The following KCNV1 variants were observed in gnomAD, a reference collection of about 807,000 sequenced individuals.
The protein encoded by KCNV1 is potassium voltage-gated channel modifier subfamily V member 1.
Under a neutral mutation model 36.4 loss-of-function variants are expected in KCNV1, and 2 were observed. The ratio of observed to expected loss-of-function variants is 0.05; its 90% CI spans 0.02 to 0.17. The LOEUF (loss-of-function observed/expected upper bound fraction) is 0.17. Among genes scored for constraint, KCNV1 ranks in the 10% least tolerant of loss-of-function variants. KCNV1 has a pLI of 1.00. For synonymous variants in KCNV1, 280 were observed against 261.1 expected (o/e 1.07, Z -0.70); for missense variants, 321 against 643.6 (o/e 0.50, Z 5.42).
At chr8:109,969,582 C>G (rs1418056164) in intron 3 of KCNV1, among the ~76,000 whole-genome samples, 1 of 152,100 alleles carries the variant, frequency 6.6e-6, no homozygotes, top group African/African-American at 2.4e-5. Context: ...CACGGTGGCT[C>G]ACGCCTATAA....
In KCNV1 at chr8:109,968,881, AG is replaced by A. The variant is rs535764021; in HGVS notation, c.992-283del. 8.9e-4 allele frequency among the ~76,000 whole-genome samples: 135 copies of A among 152,334 alleles called. No homozygotes were observed. Among genetic ancestry groups the A allele is most frequent in the Non-Finnish European group, 1.6e-3 (107 of 68,026 alleles). ...AATTATTGAACTTCTACTATTAAAA[AG>A]AAGGCGAGAGGTAAGACTGAAGGCA... On this transcript the variant is annotated intron_variant, in intron 3 of 3. Coordinates refer to ENST00000524391, the MANE Select transcript of KCNV1 (RefSeq NM_014379.4). This position sits in a 1 kb window ranked among gnomAD's most constrained non-coding sequence, Gnocchi z 5.3.
chr8:109,966,460 C>G lies in KCNV1; in HGVS notation c.*1628G>C, dbSNP rs1449023532. ...AAATGAATTAAAGTACTTTAGCACA[C>G]AATCTAAAACTCATGCCATCAGTGA... is the stretch of plus-strand genomic sequence containing the variant. On this transcript the variant is annotated 3_prime_UTR_variant, in exon 4 of 4. Coordinates refer to ENST00000524391, the MANE Select transcript of KCNV1 (RefSeq NM_014379.4). 1.3e-5 allele frequency: 2 copies of G among 152,136 alleles called. No homozygotes were observed. Among genetic ancestry groups the G allele is most frequent in the East Asian group, 3.8e-4 (2 of 5,202 alleles). The allele number at this position is 152,136 out of a possible 1,614,324, so 9.4% of individuals were successfully genotyped here.
chr8:109,974,244 G>A lies in KCNV1; in HGVS notation c.145C>T (p.Arg49Cys). 1 of 1,562,460 alleles carries A rather than the reference G, an allele frequency of 6.4e-7. No individual in the cohort carries two copies. Among genetic ancestry groups the A allele is most frequent in the East Asian group, 2.4e-5 (1 of 41,900 alleles). Reference protein sequence around the residue: ...DCFTVNVGGSRFVLSQQALSC... With the variant: ...DCFTVNVGGSCFVLSQQALSC... ...AGCGCCTGCTGCGAGAGCACGAAGC[G>A]GCTGCCGCCCACGTTGACCGTGAAG... Residue 49 changes from arginine (R) to cysteine (C), a missense_variant, in exon 2 of 4, where the codon CGC (arginine) becomes TGC (cysteine). Coordinates refer to ENST00000524391, the MANE Select transcript of KCNV1 (RefSeq NM_014379.4). The surrounding 1 kb of genome is among the most constrained non-coding windows in gnomAD (Gnocchi z 6.2).
intron 3 of KCNV1, among the ~76,000 whole-genome samples, chr8:109,970,554 G>A (rs953874190): frequency 3.9e-5 from 6 of 151,976 alleles, no homozygotes; most frequent in Admixed American, 1.3e-4. Context: ...CTAGTTTCTG[G>A]CCAAAAACCC....
chr8:109,965,023 A>G lies in KCNV1; in HGVS notation c.*3065T>C, dbSNP rs1819928441. ...TAAATTAACAAAGAAAGTGGCTAAC[A>G]CGGTGAAACCCCGTCTCTGCTAAAA... On this transcript the variant is annotated 3_prime_UTR_variant, in exon 4 of 4. Coordinates refer to ENST00000524391, the MANE Select transcript of KCNV1 (RefSeq NM_014379.4). 1 of 152,264 alleles carries G rather than the reference A, an allele frequency of 6.6e-6. No homozygotes were observed. Among genetic ancestry groups the G allele is most frequent in the South Asian group, 2.1e-4 (1 of 4,836 alleles). 9.4% of individuals were successfully genotyped at this position (152,264 alleles called of 1,614,324 possible).
At chr8:109,973,581 G>T (rs1053850921) in intron 2 of KCNV1, among the ~76,000 whole-genome samples, 2 of 152,048 alleles carry the variant, frequency 1.3e-5, no homozygotes, top group Non-Finnish European at 2.9e-5. Flanking sequence ...ATAATGCTGC[G>T]TGCCAAATCT....
chr8:109,974,414 G>A lies in KCNV1; in HGVS notation c.-26C>T. The A allele has an allele frequency of 7.0e-7, 1 of 1,431,658 alleles. No homozygotes were observed. The highest frequency in any genetic ancestry group is 9.2e-7 in the Non-Finnish European group (1 of 1,090,862). 88.7% of individuals were successfully genotyped at this position (1,431,658 alleles called of 1,614,324 possible). A position where few individuals can be genotyped will look rare whatever the true frequency, so the allele number is the denominator to read the frequency against. On this transcript the variant is annotated 5_prime_UTR_variant, in exon 2 of 4. Coordinates refer to ENST00000524391, the MANE Select transcript of KCNV1 (RefSeq NM_014379.4). This position sits in a 1 kb window ranked among gnomAD's most constrained non-coding sequence, Gnocchi z 6.2. Reference sequence around the variant, plus strand: ...CTCTAACCCAGTCGCCGCGGCCTGAGGGCGCCACAAAGTTGGGGACACGCC... The same window carrying A: ...CTCTAACCCAGTCGCCGCGGCCTGAAGGCGCCACAAAGTTGGGGACACGCC...
rs994348805 is a variant in KCNV1 at position 109,964,356 on chromosome 8, G to T, written c.*3732C>A. The T allele has an allele frequency of 6.6e-6, 1 of 151,010 alleles. No homozygotes were observed. The highest frequency in any genetic ancestry group is 1.5e-5 in the Non-Finnish European group (1 of 67,910). The allele number at this position is 151,010 out of a possible 1,614,324, so 9.4% of individuals were successfully genotyped here. ...AAAAAGCAAAAAAAAAAAAGCAGAT[G>T]CTGGCGAAGTTATGGAGCAATTGGA... On this transcript the variant is annotated 3_prime_UTR_variant, in exon 4 of 4. Transcript: ENST00000524391.
chr8:109,964,931 A>T lies in KCNV1; in HGVS notation c.*3157T>A, dbSNP rs961821198. 1.3e-5 allele frequency: 2 copies of T among 152,136 alleles called. No individual in the cohort carries two copies. The highest frequency in any genetic ancestry group is 1.5e-5 in the Non-Finnish European group (1 of 68,020). 9.4% of individuals were successfully genotyped at this position (152,136 alleles called of 1,614,324 possible). A position where few individuals can be genotyped will look rare whatever the true frequency, so the allele number is the denominator to read the frequency against. ...GTGATGAAATAATCCGTGCAAAAAA[A>T]CTCTCATGACACAAGATTACCTGTA... On this transcript the variant is annotated 3_prime_UTR_variant, in exon 4 of 4. Transcript: ENST00000524391.
At position 109,974,891 on chromosome 8, in the gene KCNV1, C is replaced by A. The variant is rs764724534; in HGVS notation, c.-503G>T. The A allele has an allele frequency of 2.3e-4, 36 of 158,560 alleles. No individual in the cohort carries two copies. Among genetic ancestry groups the A allele is most frequent in the Non-Finnish European group, 4.2e-4 (30 of 72,234 alleles). 9.8% of individuals were successfully genotyped at this position (158,560 alleles called of 1,614,324 possible). The stretch of plus-strand genomic sequence containing the variant: ...AAGATGACTCTTAGCTGAACGCAAG[C>A]AAGCAAGCAAGCAAGGGGGATGGCG... On this transcript the variant is annotated 5_prime_UTR_variant, in exon 2 of 4. Coordinates refer to ENST00000524391, the MANE Select transcript of KCNV1 (RefSeq NM_014379.4). The surrounding 1 kb of genome is among the most constrained non-coding windows in gnomAD (Gnocchi z 6.2).
chr8:109,969,864 A>AG (rs200297152), intron 3 of KCNV1, among the ~76,000 whole-genome samples: 2,004 of 151,854 alleles, frequency 0.013, 39 homozygotes, highest in African/African-American at 0.045. Context: ...AAAAAAAAAA[A>AG]AAAGAAAGAA....
At chr8:109,971,251 C>G (rs1316102966) in intron 3 of KCNV1, among the ~76,000 whole-genome samples, 1 of 152,168 alleles carries the variant, frequency 6.6e-6, no homozygotes, top group Admixed American at 6.5e-5. Context: ...ACATCAAAGT[C>G]ATTGGTGAAC....
Position 109,974,470 on chromosome 8 carries a change from C to T in KCNV1, c.-82G>A. ...CTTTGGTCCCGCGAGGGCGGTGGCA[C>T]GGCCCCTGGTGGCGGCCGGGATTCC... On this transcript the variant is annotated 5_prime_UTR_variant, in exon 2 of 4. In the 5' UTR this introduces an upstream ATG that the reference lacks. Transcript: ENST00000524391. The surrounding 1 kb of genome is among the most constrained non-coding windows in gnomAD (Gnocchi z 6.2). 3 of 1,065,220 alleles carry T rather than the reference C, an allele frequency of 2.8e-6. No homozygotes were observed. The highest frequency in any genetic ancestry group is 2.6e-5 in the East Asian group (1 of 38,088). The allele number at this position is 1,065,220 out of a possible 1,614,324, so 66.0% of individuals were successfully genotyped here.
rs1820026494 is a variant in KCNV1 at position 109,972,713 on chromosome 8, T to G, written c.536A>C (p.Glu179Ala). 1 of 1,614,032 alleles carries G rather than the reference T, an allele frequency of 6.2e-7. No homozygotes were observed. The highest frequency in any genetic ancestry group is 1.7e-5 in the Admixed American group (1 of 60,002). ...KDTEDQESQH[E>A]SEQDFSQGPC... is the part of the protein sequence containing the mutation. The stretch of plus-strand genomic sequence containing the variant: ...TCCTTGGGAGAAGTCCTGTTCACTC[T>G]CATGTTGACTTTCCTGGTCTTCTGT... Residue 179 changes from glutamate (E) to alanine (A), a missense_variant, in exon 3 of 4, where the codon GAG becomes GCG. Around this residue, in one of 5 missense-constraint regions of KCNV1, gnomAD observed 141 missense variants for 225.0 expected, o/e 0.63. Coordinates refer to ENST00000524391, the MANE Select transcript of KCNV1 (RefSeq NM_014379.4). This position sits in a 1 kb window ranked among gnomAD's most constrained non-coding sequence, Gnocchi z 5.2.
At chr8:109,971,138 T>C (rs2130897340) in intron 3 of KCNV1, among the ~76,000 whole-genome samples, 1 of 152,340 alleles carries the variant, frequency 6.6e-6, no homozygotes, top group South Asian at 2.1e-4. Context: ...GATAGTGATA[T>C]CTAGCCAATT....
Position 109,968,083 on chromosome 8 carries a change from T to A in KCNV1, c.*5A>T, listed in dbSNP as rs750193198. 6.3e-7 allele frequency: 1 copy of A among 1,597,948 alleles called. No homozygotes were observed. The highest frequency in any genetic ancestry group is 2.2e-5 in the East Asian group (1 of 44,646). Reference sequence around the variant, plus strand: ...ATAGCTTTTGTAAATAAATTGAAAATTAATTCAAAACCAGAAATCATCTCC... The same window carrying A: ...ATAGCTTTTGTAAATAAATTGAAAAATAATTCAAAACCAGAAATCATCTCC... On this transcript the variant is annotated 3_prime_UTR_variant, in exon 4 of 4. Coordinates refer to ENST00000524391, the MANE Select transcript of KCNV1 (RefSeq NM_014379.4). This position sits in a 1 kb window ranked among gnomAD's most constrained non-coding sequence, Gnocchi z 5.3.
chr8:109,974,349 C>T lies in KCNV1; in HGVS notation c.40G>A (p.Asp14Asn). 3 of 1,533,470 alleles carry T rather than the reference C, an allele frequency of 2.0e-6. No homozygotes were observed. In the South Asian group the frequency reaches 3.6e-5, roughly 18 times the overall value. The allele number at this position is 1,533,470 out of a possible 1,614,324, so 95.0% of individuals were successfully genotyped here. ...TCCAGGGAGGTCAGGGAGCCGCTGTCCAGCGGCGAGTCCAGCAGCGCTCTG... is the reference window on the plus strand; with the variant it reads ...TCCAGGGAGGTCAGGGAGCCGCTGTTCAGCGGCGAGTCCAGCAGCGCTCTG... ...SGRALLDSPLDSGSLTSLDSS... is the reference protein window; with the variant it reads ...SGRALLDSPLNSGSLTSLDSS... The change falls in exon 2 of 4, where the codon GAC (aspartate) becomes AAC (asparagine). Residue 14 changes from aspartate (D) to asparagine (N), a missense_variant. Coordinates refer to ENST00000524391, the MANE Select transcript of KCNV1 (RefSeq NM_014379.4). This position sits in a 1 kb window ranked among gnomAD's most constrained non-coding sequence, Gnocchi z 6.2.
chr8:109,966,881 C>A lies in KCNV1; in HGVS notation c.*1207G>T, dbSNP rs781667391. On this transcript the variant is annotated 3_prime_UTR_variant, in exon 4 of 4. Transcript: ENST00000524391. ...ATAAGATTTTTTTTTCCTCAAGAAC[C>A]AATTTTCTTCCCCTTGGGGGCTCTA... 1 of 152,002 alleles carries A rather than the reference C, an allele frequency of 6.6e-6. No homozygotes were observed. Among genetic ancestry groups the A allele is most frequent in the Non-Finnish European group, 1.5e-5 (1 of 67,972 alleles). The allele number at this position is 152,002 out of a possible 1,614,324, so 9.4% of individuals were successfully genotyped here.
Position 109,969,574 on chromosome 8 carries a change from C to T in KCNV1, c.992-975G>A, listed in dbSNP as rs138436610. Among the ~76,000 whole-genome samples the T allele has an allele frequency of 4.0e-3, 608 of 152,128 alleles. 2 individuals carry two copies. The highest frequency in any genetic ancestry group is 7.1e-3 in the Admixed American group (108 of 15,272). On this transcript the variant is annotated intron_variant, in intron 3 of 3. Coordinates refer to ENST00000524391, the MANE Select transcript of KCNV1 (RefSeq NM_014379.4). ...GTAAGAGCCCATTATGGGCCGGGCACGGTGGCTCACGCCTATAATCTCAGC... is the reference window on the plus strand; with the variant it reads ...GTAAGAGCCCATTATGGGCCGGGCATGGTGGCTCACGCCTATAATCTCAGC...
Sources: allele counts gnomAD v4.1 joint callset (sites outside exome capture counted in the v4.1 genomes callset), GRCh38; gene constraint gnomAD v4.1.1; regional missense constraint gnomAD v4.1.1; non-coding constraint Gnocchi (gnomAD v3.1); transcripts MANE v1.5; gene names NCBI Gene and HGNC (gene_info 2026-07-23, HGNC 2026-07-21).